Variants in SEMA6D observed in about 807,000 individuals in gnomAD.
SEMA6D encodes the protein semaphorin 6D, also known as semaphorin-6D.
Under a neutral mutation model 106.6 loss-of-function variants are expected in SEMA6D, and 35 were observed. The observed-to-expected ratio is 0.33, with a 90% CI of 0.25 to 0.44. The LOEUF (loss-of-function observed/expected upper bound fraction) is 0.44, where lower values mean the gene tolerates loss of function less well. Among genes scored for constraint, SEMA6D ranks in the 20% least tolerant of loss-of-function variants. The pLI is 1.00. For synonymous variants in SEMA6D, 499 were observed against 487.7 expected, an observed-to-expected ratio of 1.02 and a Z score of -0.31; for missense variants, 1,185 against 1,345.9, an observed-to-expected ratio of 0.88 and a Z score of 1.87.
intron 4 of SEMA6D, among the ~76,000 whole-genome samples, chr15:47,680,200 C>T (rs1444264182): frequency 6.6e-6 from 1 of 152,136 alleles, no homozygotes; most frequent in African/African-American, 2.4e-5. Context: ...ATCACCTGCC[C>T]GTAGCAGCTC....
chr15:47,563,760 G>GA (rs1202719610), intron 3 of SEMA6D, among the ~76,000 whole-genome samples: 3 of 152,124 alleles, frequency 2.0e-5, no homozygotes, highest in Non-Finnish European at 2.9e-5. Flanking sequence ...CTGACATGTA[G>GA]AAAATGTTTA....
intron 1 of SEMA6D, among the ~76,000 whole-genome samples, chr15:47,204,933 G>T (rs1027846162): frequency 5.9e-5 from 9 of 152,160 alleles, no homozygotes; most frequent in East Asian, 1.9e-4. Flanking sequence ...GAAAACCTTG[G>T]GGGGAGAAGG....
At chr15:47,220,948 C>T (rs2031139623) in intron 1 of SEMA6D, among the ~76,000 whole-genome samples, 1 of 152,136 alleles carries the variant, frequency 6.6e-6, no homozygotes, top group Non-Finnish European at 1.5e-5. Flanking sequence ...ATTCAATAAC[C>T]ACAATGTTAA....
At chr15:47,398,987 A>G (rs1235087292) in intron 1 of SEMA6D, among the ~76,000 whole-genome samples, 1 of 152,176 alleles carries the variant, frequency 6.6e-6, no homozygotes, top group Non-Finnish European at 1.5e-5. Flanking sequence ...CATTACTGAA[A>G]TACTGATTTG....
chr15:47,691,707 A>G (rs1566990368), intron 4 of SEMA6D, among the ~76,000 whole-genome samples: 1 of 152,106 alleles, frequency 6.6e-6, no homozygotes, highest in Non-Finnish European at 1.5e-5. Flanking sequence ...GGTGTAACAC[A>G]GGTCATATTC....
intron 1 of SEMA6D, among the ~76,000 whole-genome samples, chr15:47,345,097 A>G (rs2037990830): frequency 6.6e-6 from 1 of 152,198 alleles, no homozygotes; most frequent in South Asian, 2.1e-4. Context: ...ATAGGTAAAT[A>G]TACTGTATTT....
chr15:47,522,520 A>C (rs2044619145), intron 3 of SEMA6D, among the ~76,000 whole-genome samples: 1 of 152,208 alleles, frequency 6.6e-6, no homozygotes, highest in Non-Finnish European at 1.5e-5. Context: ...CTGAATGAGA[A>C]ATAAATTAAA....
chr15:47,494,941 T>C (rs1358837562), intron 3 of SEMA6D, among the ~76,000 whole-genome samples: 1 of 150,954 alleles, frequency 6.6e-6, no homozygotes, highest in African/African-American at 2.4e-5. Flanking sequence ...GAAATGCAGT[T>C]TTTTGTGGAG....
intron 4 of SEMA6D, among the ~76,000 whole-genome samples, chr15:47,700,565 A>G (rs1451672785): frequency 3.9e-5 from 6 of 152,122 alleles, no homozygotes; most frequent in Non-Finnish European, 4.4e-5. Flanking sequence ...AAGTAAATAA[A>G]TAATTTTTAA....
rs142752994 is a variant in SEMA6D at position 47,232,672 on chromosome 15, A to G, written c.-239+48254A>G. Reference sequence around the variant, plus strand: ...TTTTAAAATTTATTTTTTTCACACTATTGCTGGCTTGAAGATTGAACATCT... The same window carrying G: ...TTTTAAAATTTATTTTTTTCACACTGTTGCTGGCTTGAAGATTGAACATCT... On this transcript the variant is annotated intron_variant, in intron 1 of 19. Transcript: ENST00000558014. 8.8e-3 allele frequency among the ~76,000 whole-genome samples: 1,340 copies of G among 151,956 alleles called. 25 individuals are homozygous for G. The highest frequency in any genetic ancestry group is 0.031 in the African/African-American group (1,274 of 41,498).
intron 18 of SEMA6D, 36 bp from the exon 19 acceptor site, chr15:47,770,461 G>A: frequency 1.3e-6 from 2 of 1,495,754 alleles, no homozygotes; most frequent in Non-Finnish European, 1.8e-6. Context: ...TTTTTAAAAA[G>A]CACCTTATTC....
At chr15:47,552,004 T>A (rs1260135128) in intron 3 of SEMA6D, among the ~76,000 whole-genome samples, 1 of 151,768 alleles carries the variant, frequency 6.6e-6, no homozygotes, top group Non-Finnish European at 1.5e-5. Context: ...TAATCCCACT[T>A]GTGGGCTTGT....
At chr15:47,575,799 A>G (rs2076146973) in intron 3 of SEMA6D, among the ~76,000 whole-genome samples, 1 of 152,152 alleles carries the variant, frequency 6.6e-6, no homozygotes, top group South Asian at 2.1e-4. Context: ...TCTTTAAAAA[A>G]TCAATAAAAC....
At position 47,502,483 on chromosome 15, in the gene SEMA6D, A is replaced by C. The variant is rs534831091; in HGVS notation, c.-87+31938A>C. ...TTCCTGGGATCAGGCCACCACATGG[A>C]AAGAAAGAAAGATGTTACGCTCCCA... On this transcript the variant is annotated intron_variant, in intron 3 of 19. Transcript: ENST00000558014. Among the ~76,000 whole-genome samples the C allele has an allele frequency of 4.6e-5, 7 of 152,284 alleles. No individual in the cohort carries two copies. The South Asian group carries it at 1.0e-3, about 23-fold the overall frequency.
At chr15:47,309,447 C>T (rs1276957479) in intron 1 of SEMA6D, among the ~76,000 whole-genome samples, 1 of 152,114 alleles carries the variant, frequency 6.6e-6, no homozygotes, top group Admixed American at 6.6e-5. Flanking sequence ...AAGTAACCCT[C>T]ATTTTACTTA....
chr15:47,473,360 T>C (rs1336892326), intron 3 of SEMA6D, among the ~76,000 whole-genome samples: 1 of 152,118 alleles, frequency 6.6e-6, no homozygotes, highest in African/African-American at 2.4e-5. Flanking sequence ...AGTCGGTACC[T>C]CTTGAGAGAG....
intron 4 of SEMA6D, among the ~76,000 whole-genome samples, chr15:47,656,396 C>G (rs982871727): frequency 6.6e-6 from 1 of 152,192 alleles, no homozygotes; most frequent in Non-Finnish European, 1.5e-5. Context: ...TGAATATTTA[C>G]TGTGTAAAGT....
At chr15:47,688,641 G>T (rs2078520909) in intron 4 of SEMA6D, among the ~76,000 whole-genome samples, 1 of 152,134 alleles carries the variant, frequency 6.6e-6, no homozygotes, top group African/African-American at 2.4e-5. Context: ...ACTAGAGATG[G>T]GAGGGACATT....
At chr15:47,220,490 G>A (rs972194379) in intron 1 of SEMA6D, among the ~76,000 whole-genome samples, 2 of 152,192 alleles carry the variant, frequency 1.3e-5, no homozygotes, top group Admixed American at 1.3e-4. Context: ...CAGGAGCCCA[G>A]CTAATCATTT....
Sources: gnomAD v4.1 joint callset for allele counts (sites outside exome capture counted in the v4.1 genomes callset) on GRCh38, gnomAD v4.1.1 for gene constraint, MANE v1.5 for transcripts, NCBI Gene and HGNC (gene_info 2026-07-23, HGNC 2026-07-21) for gene names.